GABRG3: variants seen among roughly 807,000 people sequenced by gnomAD.
GABRG3 encodes the protein gamma-aminobutyric acid receptor subunit gamma-3.
In GABRG3, 25 loss-of-function variants were observed where a neutral mutation model predicts 48.8. The ratio of observed to expected loss-of-function variants is 0.51; its 90% CI spans 0.37 to 0.72. The LOEUF (loss-of-function observed/expected upper bound fraction) is 0.72, where lower values mean the gene tolerates loss of function less well. GABRG3 is among the 30% of genes least tolerant of loss of function. The probability of loss-of-function intolerance (pLI) is 0.00; values close to 1 mark genes in which losing one functional copy is unlikely to be tolerated. For missense variants in GABRG3, 394 were observed against 577.9 expected (o/e 0.68, Z 3.26); for synonymous variants, 227 against 217.6 (o/e 1.04, Z -0.38).
chr15:27,245,525 A>T (rs1013439796), intron 3 of GABRG3, among the ~76,000 whole-genome samples: 4 of 152,224 alleles, frequency 2.6e-5, no homozygotes, highest in Non-Finnish European at 5.9e-5. Flanking sequence ...TGTGTTGGAT[A>T]TTGTGTTAGT....
chr15:27,005,092 A>G (rs368859930), intron 2 of GABRG3, among the ~76,000 whole-genome samples: 2 of 152,342 alleles, frequency 1.3e-5, no homozygotes, highest in African/African-American at 4.8e-5. Flanking sequence ...TTGGGGGTAC[A>G]GGTGGTATAA....
chr15:27,498,938 G>C (rs1890552591), intron 6 of GABRG3, among the ~76,000 whole-genome samples: 1 of 152,156 alleles, frequency 6.6e-6, no homozygotes, highest in Non-Finnish European at 1.5e-5. Flanking sequence ...GCTTGTCTCT[G>C]ACTCCCACGA....
chr15:27,405,855 G>A (rs1887616539), intron 5 of GABRG3, among the ~76,000 whole-genome samples: 1 of 151,736 alleles, frequency 6.6e-6, no homozygotes. Context: ...AGGACTGGGG[G>A]AGGGAATATA....
At chr15:27,346,283 A>C (rs750093854) in intron 5 of GABRG3, among the ~76,000 whole-genome samples, 12 of 152,304 alleles carry the variant, frequency 7.9e-5, no homozygotes, top group Middle Eastern at 3.4e-3. Context: ...AGAGAAGTAC[A>C]TTTGAATTCT....
At chr15:27,389,477 T>C (rs966570392) in intron 5 of GABRG3, among the ~76,000 whole-genome samples, 7 of 152,228 alleles carry the variant, frequency 4.6e-5, no homozygotes, top group African/African-American at 1.4e-4. Flanking sequence ...ACCACTGTTA[T>C]CTGCGGTGAA....
intron 3 of GABRG3, among the ~76,000 whole-genome samples, chr15:27,058,009 A>G (rs149793247): frequency 1.3e-5 from 2 of 152,228 alleles, no homozygotes; most frequent in African/African-American, 2.4e-5. Flanking sequence ...TCACTCTCAC[A>G]GTGAATCTGC....
At chr15:27,244,431 C>G (rs1435033203) in intron 3 of GABRG3, among the ~76,000 whole-genome samples, 2 of 152,166 alleles carry the variant, frequency 1.3e-5, no homozygotes, top group Admixed American at 1.3e-4. Context: ...AGGACATCTT[C>G]AGAACCACAC....
intron 2 of GABRG3, among the ~76,000 whole-genome samples, chr15:27,013,378 G>A (rs939588474): frequency 1.3e-5 from 2 of 151,984 alleles, no homozygotes; most frequent in East Asian, 1.9e-4. Flanking sequence ...TAAGTTTAAT[G>A]TAGTCCATTT....
intron 3 of GABRG3, among the ~76,000 whole-genome samples, chr15:27,074,838 G>A (rs1014133010): frequency 3.9e-5 from 6 of 152,130 alleles, no homozygotes; most frequent in African/African-American, 1.2e-4. Flanking sequence ...ATCGAAGGAA[G>A]TGAAGCTGAA....
intron 3 of GABRG3, among the ~76,000 whole-genome samples, chr15:27,234,727 G>C (rs1889902605): frequency 6.6e-6 from 1 of 152,146 alleles, no homozygotes; most frequent in African/African-American, 2.4e-5. Flanking sequence ...TCTTTATATT[G>C]AAGTGGCTTC....
intron 2 of GABRG3, among the ~76,000 whole-genome samples, chr15:26,986,801 G>A (rs1398658316): frequency 6.6e-6 from 1 of 152,076 alleles, no homozygotes; most frequent in Non-Finnish European, 1.5e-5. Flanking sequence ...TGTTTCTTAT[G>A]TTTATTCATT....
chr15:27,231,517 G>A (rs1017147650), intron 3 of GABRG3, among the ~76,000 whole-genome samples: 2 of 152,204 alleles, frequency 1.3e-5, no homozygotes, highest in Non-Finnish European at 2.9e-5. Context: ...CCTGAGGGAA[G>A]TCACCTGTCA....
intron 3 of GABRG3, among the ~76,000 whole-genome samples, chr15:27,207,163 C>T (rs997797205): frequency 3.9e-5 from 6 of 152,160 alleles, no homozygotes; most frequent in African/African-American, 1.4e-4. Context: ...TCTCCTCCTT[C>T]TGATCTTGGA....
At chr15:27,311,470 C>G (rs1049216668) in intron 3 of GABRG3, among the ~76,000 whole-genome samples, 1 of 152,012 alleles carries the variant, frequency 6.6e-6, no homozygotes, top group Non-Finnish European at 1.5e-5. Flanking sequence ...CATCATCTAG[C>G]CACCCACAAG....
chr15:27,106,218 G>C (rs1897447422), intron 3 of GABRG3, among the ~76,000 whole-genome samples: 1 of 152,080 alleles, frequency 6.6e-6, no homozygotes, highest in African/African-American at 2.4e-5. Context: ...CATAACAGGA[G>C]ATAATAAAAT....
rs1425450765 is a variant in GABRG3, at chr15:27,308,298, CAT to C, written c.271-18510_271-18509del. Among the ~76,000 whole-genome samples, 35 of 120,838 alleles carry C rather than the reference CAT, an allele frequency of 2.9e-4. 1 individual carries two copies. Among genetic ancestry groups the C allele is most frequent in the African/African-American group, 8.5e-4 (19 of 22,354 alleles). The allele number at this position is 120,838 out of a possible 152,430, so 79.3% of individuals were successfully genotyped here. A position where few individuals can be genotyped will look rare whatever the true frequency, so the allele number is the denominator to read the frequency against. On this transcript the variant is annotated intron_variant, in intron 3 of 9. Transcript: ENST00000615808. ...ATATAAACATACGTTTATATATAAA[CAT>C]CATATAAACATATATAAACATACGT...
intron 3 of GABRG3, among the ~76,000 whole-genome samples, chr15:27,145,334 TAAAAA>T (rs202105972): frequency 6.7e-6 from 1 of 148,526 alleles, no homozygotes; most frequent in Non-Finnish European, 1.5e-5. Flanking sequence ...ATGGAGATTG[TAAAAA>T]AAAAATAGAG....
chr15:27,334,257 T>C (rs1893891206), intron 5 of GABRG3, among the ~76,000 whole-genome samples: 1 of 152,192 alleles, frequency 6.6e-6, no homozygotes, highest in South Asian at 2.1e-4. Context: ...GCCATTATTT[T>C]TTCTAAAGAG....
At position 27,540,877 on chromosome 15, in the gene GABRG3, TTAA is replaced by T. The variant is rs1232281148; in HGVS notation, c.*8001_*8003del. The T allele has an allele frequency of 5.3e-5, 8 of 152,164 alleles. No individual in the cohort carries two copies. The highest frequency in any genetic ancestry group is 5.2e-4 in the Admixed American group (8 of 15,278). 9.4% of individuals were successfully genotyped at this position (152,164 alleles called of 1,614,324 possible). A position where few individuals can be genotyped will look rare whatever the true frequency, so the allele number is the denominator to read the frequency against. ...ACAGTGGTAAAACTGAAACAACTTA[TTAA>T]TAATGTGTGTCACTCTACCCATCAC... is the stretch of plus-strand genomic sequence containing the variant. On this transcript the variant is annotated 3_prime_UTR_variant, in exon 10 of 10. Transcript: ENST00000615808.
Sources: gnomAD v4.1 joint callset for allele counts (sites outside exome capture counted in the v4.1 genomes callset) on GRCh38, gnomAD v4.1.1 for gene constraint, MANE v1.5 for transcripts, NCBI Gene and HGNC (gene_info 2026-07-23, HGNC 2026-07-21) for gene names.